Variants in CFAP20DC observed in about 807,000 individuals in gnomAD.
The protein encoded by CFAP20DC is protein CFAP20DC.
A neutral mutation model predicts 101.7 loss-of-function variants in CFAP20DC; 84 were observed. That is an observed-to-expected ratio of 0.83 (90% CI 0.69 to 0.99). The LOEUF is 0.99. CFAP20DC is among the 50% of genes least tolerant of loss of function. The pLI is 0.00. For missense variants in CFAP20DC, 1,007 were observed against 970.3 expected (o/e 1.04, Z -0.50); for synonymous variants, 359 against 351.2 (o/e 1.02, Z -0.25).
intron 5 of CFAP20DC, among the ~76,000 whole-genome samples, chr3:58,928,055 AT>A (rs1400212653): frequency 1.3e-5 from 2 of 152,100 alleles, no homozygotes; most frequent in South Asian, 2.1e-4. Context: ...TGATAAACTC[AT>A]TTTTTTTCTC....
At chr3:58,734,604 T>C in intron 3 of CFAP20DC, 1 of 456,526 alleles carries the variant, frequency 2.2e-6, no homozygotes, top group Non-Finnish European at 4.4e-6. Flanking sequence ...ACTTCACAAA[T>C]GGATGTCATC....
intron 4 of CFAP20DC, among the ~76,000 whole-genome samples, chr3:58,982,231 G>C (rs2092580503): frequency 6.6e-6 from 1 of 152,198 alleles, no homozygotes; most frequent in Non-Finnish European, 1.5e-5. Context: ...AGGATGTGGA[G>C]AAATAGGAAC....
At chr3:58,848,575 G>A (rs1408731897) in intron 13 of CFAP20DC, among the ~76,000 whole-genome samples, 1 of 152,090 alleles carries the variant, frequency 6.6e-6, no homozygotes, top group Non-Finnish European at 1.5e-5. Flanking sequence ...CTGTTTTAAT[G>A]TTAACCTTCA....
intron 1 of CFAP20DC, among the ~76,000 whole-genome samples, chr3:59,047,659 C>G (rs1398018998): frequency 6.6e-6 from 1 of 152,194 alleles, no homozygotes; most frequent in Non-Finnish European, 1.5e-5. Flanking sequence ...AGGTAGTTAT[C>G]TCCAAATACA....
chr3:58,950,619 C>T (rs1021473380), intron 4 of CFAP20DC, among the ~76,000 whole-genome samples: 3 of 152,102 alleles, frequency 2.0e-5, no homozygotes, highest in Non-Finnish European at 4.4e-5. Flanking sequence ...TATCTACAAC[C>T]ATCTGATCTT....
At position 58,937,807 on chromosome 3, in the gene CFAP20DC, A is replaced by C. The variant is rs546831138; in HGVS notation, c.279-45T>G. 49 of 1,030,062 alleles carry C rather than the reference A, an allele frequency of 4.8e-5. No homozygotes were observed. The South Asian group carries it at 6.5e-4, about 14-fold the overall frequency. 63.8% of individuals were successfully genotyped at this position (1,030,062 alleles called of 1,614,324 possible). On this transcript the variant is annotated intron_variant, in intron 4 of 16. Coordinates refer to ENST00000482387, the MANE Select transcript of CFAP20DC (RefSeq NM_001394063.1). ...AAGACAGAAAGATTCCCATCAATTT[A>C]ATAACCACTTCTTTGGATAATCATC...
chr3:58,765,234 G>C (rs1010437198), intron 15 of CFAP20DC, among the ~76,000 whole-genome samples: 9 of 151,726 alleles, frequency 5.9e-5, no homozygotes, highest in African/African-American at 1.9e-4. Flanking sequence ...TTTTATTAAT[G>C]TGCTTCCTAT....
At position 58,884,627 on chromosome 3, in the gene CFAP20DC, A is replaced by G. The variant is rs763118521; in HGVS notation, c.633T>C (p.His211=). Residue 211 remains histidine, a synonymous_variant, in exon 7 of 17, where the codon CAT becomes CAC. Coordinates refer to ENST00000482387, the MANE Select transcript of CFAP20DC (RefSeq NM_001394063.1). ...RSCQLMTDVP[H]VTQLLNMTKL... ...TAGTCATGTTTAGCAGCTGTGTGAC[A>G]TGTGGAACATCTGTCATTAGTTGAC... is the stretch of plus-strand genomic sequence containing the variant. The G allele has an allele frequency of 2.3e-5, 37 of 1,613,900 alleles. No individual in the cohort carries two copies. The highest frequency in any genetic ancestry group is 1.1e-4 in the South Asian group (10 of 91,080).
At chr3:58,785,198 A>G (rs1328736770) in intron 15 of CFAP20DC, among the ~76,000 whole-genome samples, 1 of 152,106 alleles carries the variant, frequency 6.6e-6, no homozygotes, top group Non-Finnish European at 1.5e-5. Flanking sequence ...CAAATACCTC[A>G]TGTTCTCACT....
At chr3:58,820,329 A>T (rs1410690633) in intron 14 of CFAP20DC, among the ~76,000 whole-genome samples, 6 of 150,158 alleles carry the variant, frequency 4.0e-5, no homozygotes, top group African/African-American at 9.8e-5. Context: ...AGGGTATTCA[A>T]TTAGGAAAAG....
intron 4 of CFAP20DC, among the ~76,000 whole-genome samples, chr3:58,945,170 T>G (rs1465743820): frequency 2.0e-5 from 3 of 152,144 alleles, no homozygotes; most frequent in Admixed American, 2.0e-4. Flanking sequence ...GCTAGGTATC[T>G]CTCCCCAAAC....
At chr3:59,020,500 G>A (rs1394324170) in intron 4 of CFAP20DC, among the ~76,000 whole-genome samples, 1 of 151,974 alleles carries the variant, frequency 6.6e-6, no homozygotes, top group African/African-American at 2.4e-5. Flanking sequence ...TGTAATAGTG[G>A]TAATATCCAC....
At position 58,897,747 on chromosome 3, in the gene CFAP20DC, G is replaced by A. The variant is rs2082786295; in HGVS notation, c.551-13038C>T. ...TTGTAGGGTTTCTGCTGGGAGTTCT[G>A]CTGCTAGTCTGATGGGCTTCCCTTT... On this transcript the variant is annotated intron_variant, in intron 6 of 16. Coordinates refer to ENST00000482387, the MANE Select transcript of CFAP20DC (RefSeq NM_001394063.1). The surrounding 1 kb of genome is among the most constrained non-coding windows in gnomAD (Gnocchi z 4.4). Among the ~76,000 whole-genome samples, 1 of 152,204 alleles carries A rather than the reference G, an allele frequency of 6.6e-6. No individual in the cohort carries two copies. Among genetic ancestry groups the A allele is most frequent in the Non-Finnish European group, 1.5e-5 (1 of 68,034 alleles).
intron 13 of CFAP20DC, among the ~76,000 whole-genome samples, chr3:58,839,731 T>C (rs2076972282): frequency 6.6e-6 from 1 of 152,212 alleles, no homozygotes; most frequent in Non-Finnish European, 1.5e-5. Flanking sequence ...AGCACCTTAA[T>C]GTCTGTCAAG....
chr3:58,768,469 G>A (rs960354233), intron 15 of CFAP20DC, among the ~76,000 whole-genome samples: 1 of 152,086 alleles, frequency 6.6e-6, no homozygotes, highest in African/African-American at 2.4e-5. Context: ...TTCTCCATGT[G>A]GCGATGTGCT....
intron 16 of CFAP20DC, 52 bp downstream of exon 16, chr3:58,753,717 T>C (rs555873104): frequency 8.7e-7 from 1 of 1,153,136 alleles, no homozygotes; most frequent in Non-Finnish European, 1.3e-6. Context: ...TTCTCTCTAT[T>C]TATAGTAAAT....
intron 4 of CFAP20DC, among the ~76,000 whole-genome samples, chr3:58,974,307 T>A (rs532096014): frequency 6.6e-6 from 1 of 152,226 alleles, no homozygotes; most frequent in Admixed American, 6.5e-5. Context: ...CCCCTCTTTG[T>A]GTCTGTGTGT....
downstream of CFAP20DC, among the ~76,000 whole-genome samples, chr3:58,741,602 T>C (rs2067888811): frequency 6.6e-6 from 1 of 151,998 alleles, no homozygotes; most frequent in African/African-American, 2.4e-5. Flanking sequence ...GTTCGCGCCA[T>C]TCTCCTGCCT....
At position 58,742,470 on chromosome 3, in the gene CFAP20DC, T is replaced by A. The variant is rs2067926552; in HGVS notation, c.2435A>T (p.Glu812Val). 4.4e-6 allele frequency: 7 copies of A among 1,603,454 alleles called. No individual in the cohort carries two copies. Among genetic ancestry groups the A allele is most frequent in the Non-Finnish European group, 6.0e-6 (7 of 1,174,776 alleles). The change falls in exon 17 of 17, where the codon GAG (glutamate) becomes GTG (valine). Residue 812 changes from glutamate (E) to valine (V), a missense_variant. By Grantham distance (121) the Glu-to-Val change is moderately radical. Coordinates refer to ENST00000482387, the MANE Select transcript of CFAP20DC (RefSeq NM_001394063.1). ...CCCCGGAAGGAGGCATTATACCAAC[T>A]CATAGTATTTCCCTGTTTGGGGGTC... is the stretch of plus-strand genomic sequence containing the variant. The part of the protein sequence containing the change: ...YFDPQTGKYY[E>V]LV
Sources: gnomAD v4.1 joint callset for allele counts (sites outside exome capture counted in the v4.1 genomes callset) on GRCh38, gnomAD v4.1.1 for gene constraint, Gnocchi (gnomAD v3.1) non-coding constraint, MANE v1.5 for transcripts, NCBI Gene and HGNC (gene_info 2026-07-23, HGNC 2026-07-21) for gene names.